Variants in KCNIP1 observed in about 807,000 individuals in gnomAD.
KCNIP1 encodes the protein A-type potassium channel modulatory protein KCNIP1.
KCNIP1 carries 18 observed loss-of-function variants against 33.0 expected under a neutral mutation model. The observed-to-expected ratio is 0.55, with a 90% CI of 0.38 to 0.81. The LOEUF is 0.81. Among genes scored for constraint, KCNIP1 ranks in the 30% least tolerant of loss-of-function variants. The pLI, the probability that KCNIP1 is intolerant of heterozygous loss-of-function variation, is 0.00. For missense variants in KCNIP1, 238 were observed against 271.6 expected (o/e 0.88, Z 0.87); for synonymous variants, 93 against 98.3 (o/e 0.95, Z 0.32).
chr5:170,405,509 G>T (rs2113393628), intron 1 of KCNIP1, among the ~76,000 whole-genome samples: 1 of 152,336 alleles, frequency 6.6e-6, no homozygotes, highest in East Asian at 1.9e-4. Context: ...CAGCTGAGAA[G>T]AGGGATTCTC....
intron 1 of KCNIP1, among the ~76,000 whole-genome samples, chr5:170,410,091 C>T (rs55776773): frequency 0.014 from 2,147 of 152,358 alleles, 22 homozygotes; most frequent in Non-Finnish European, 0.021. Context: ...TGGGCAAAGC[C>T]ATCAGAGTGC....
At chr5:170,656,863 G>A (rs1193992473) in intron 1 of KCNIP1, among the ~76,000 whole-genome samples, 1 of 152,154 alleles carries the variant, frequency 6.6e-6, no homozygotes, top group Non-Finnish European at 1.5e-5. Flanking sequence ...CAAGGCCCTT[G>A]GCTCCCGCTG....
At chr5:170,711,278 G>A (rs1380929818) in intron 1 of KCNIP1, among the ~76,000 whole-genome samples, 1 of 152,200 alleles carries the variant, frequency 6.6e-6, no homozygotes, top group Non-Finnish European at 1.5e-5. Flanking sequence ...TGGCATTTGA[G>A]TTTCTAATCC....
chr5:170,573,638 T>C (rs867689988), intron 1 of KCNIP1, among the ~76,000 whole-genome samples: 6 of 151,834 alleles, frequency 4.0e-5, no homozygotes, highest in Middle Eastern at 3.4e-3. Flanking sequence ...TCTTAACCCA[T>C]TGAGAAAAAA....
chr5:170,460,279 A>G (rs1756476907), intron 1 of KCNIP1, among the ~76,000 whole-genome samples: 1 of 152,132 alleles, frequency 6.6e-6, no homozygotes, highest in Non-Finnish European at 1.5e-5. Flanking sequence ...AATGGTACCA[A>G]TCCTACTGAC....
chr5:170,355,731 A>T (rs1255844102), intron 1 of KCNIP1, among the ~76,000 whole-genome samples: 1 of 152,242 alleles, frequency 6.6e-6, no homozygotes, highest in Non-Finnish European at 1.5e-5. Flanking sequence ...GCAAGGAACC[A>T]GCTGGAGAGT....
In KCNIP1 at chr5:170,417,713, A is replaced by G. The variant is rs1481273511; in HGVS notation, c.88+63749A>G. Among the ~76,000 whole-genome samples, 3 of 152,132 alleles carry G rather than the reference A, an allele frequency of 2.0e-5. No homozygotes were observed. In the East Asian group the frequency reaches 5.8e-4, roughly 29 times the overall value. On this transcript the variant is annotated intron_variant, in intron 1 of 7. Coordinates refer to the KCNIP1 transcript ENST00000377360. Reference sequence around the variant, plus strand: ...TTAAATGCCCCCTGGTGTTTTCTCTATACGCCACTGACACCTTGATCATGA... The same window carrying G: ...TTAAATGCCCCCTGGTGTTTTCTCTGTACGCCACTGACACCTTGATCATGA...
chr5:170,658,920 G>T (rs1561747083), intron 1 of KCNIP1, among the ~76,000 whole-genome samples: 1 of 152,168 alleles, frequency 6.6e-6, no homozygotes, highest in African/African-American at 2.4e-5. Flanking sequence ...TAGAAACTGA[G>T]ACAGCCTCAC....
intron 1 of KCNIP1, among the ~76,000 whole-genome samples, chr5:170,648,377 C>A (rs971421107): frequency 7.2e-5 from 11 of 152,126 alleles, no homozygotes; most frequent in Non-Finnish European, 1.6e-4. Flanking sequence ...TGTAGGCCAC[C>A]AAGATGTCCT....
chr5:170,480,586 C>T (rs1408115440), intron 1 of KCNIP1, among the ~76,000 whole-genome samples: 3 of 151,278 alleles, frequency 2.0e-5, no homozygotes, highest in Admixed American at 1.3e-4. Flanking sequence ...AAGAGATTCT[C>T]ATGCCACCAC....
intron 1 of KCNIP1, among the ~76,000 whole-genome samples, chr5:170,409,264 G>T (rs1755116398): frequency 6.6e-6 from 1 of 152,096 alleles, no homozygotes; most frequent in Non-Finnish European, 1.5e-5. Flanking sequence ...GTCCTCCTTG[G>T]CTGGGAGTGG....
chr5:170,385,569 A>T, intron 1 of KCNIP1: 1 of 1,092,976 alleles, frequency 9.1e-7, no homozygotes, highest in Non-Finnish European at 1.3e-6. Context: ...TCAACTATTA[A>T]TATCACTCTT....
intron 1 of KCNIP1, among the ~76,000 whole-genome samples, chr5:170,594,811 T>C (rs1479335458): frequency 1.3e-5 from 2 of 152,226 alleles, no homozygotes; most frequent in African/African-American, 4.8e-5. Flanking sequence ...GCACCCAGCC[T>C]AACTACAGTT....
At chr5:170,417,950 C>A (rs997574154) in intron 1 of KCNIP1, among the ~76,000 whole-genome samples, 4 of 152,226 alleles carry the variant, frequency 2.6e-5, no homozygotes, top group Non-Finnish European at 4.4e-5. Flanking sequence ...TTATAAGCCT[C>A]CTGATGCCCA....
intron 1 of KCNIP1, among the ~76,000 whole-genome samples, chr5:170,697,048 T>A (rs1041902828): frequency 2.8e-4 from 43 of 150,888 alleles, no homozygotes; most frequent in African/African-American, 1.0e-3. Context: ...TCCTCCTCCA[T>A]CTCCTCCTCC....
At chr5:170,373,011 G>A (rs1023164392) in intron 1 of KCNIP1, among the ~76,000 whole-genome samples, 7 of 152,182 alleles carry the variant, frequency 4.6e-5, no homozygotes, top group African/African-American at 1.4e-4. Flanking sequence ...AATCACAAAC[G>A]TGGTCCAGTA....
At chr5:170,514,369 G>A (rs886343113) in intron 1 of KCNIP1, among the ~76,000 whole-genome samples, 8 of 152,184 alleles carry the variant, frequency 5.3e-5, no homozygotes, top group African/African-American at 1.9e-4. Context: ...TGTGCACTCA[G>A]CAGGGGTGTC....
At chr5:170,569,532 G>C (rs1189149134) in intron 1 of KCNIP1, among the ~76,000 whole-genome samples, 1 of 152,162 alleles carries the variant, frequency 6.6e-6, no homozygotes, top group African/African-American at 2.4e-5. Flanking sequence ...GATAACAATA[G>C]TACTTCACTC....
chr5:170,652,747 C>T (rs149523797), intron 1 of KCNIP1, among the ~76,000 whole-genome samples: 109 of 152,310 alleles, frequency 7.2e-4, no homozygotes, highest in Non-Finnish European at 1.1e-3. Context: ...CATTTACTTA[C>T]ATGCCTATAG....
Sources: gnomAD v4.1 joint callset for allele counts (sites outside exome capture counted in the v4.1 genomes callset) on GRCh38, gnomAD v4.1.1 for gene constraint, MANE v1.5 for transcripts, NCBI Gene and HGNC (gene_info 2026-07-23, HGNC 2026-07-21) for gene names.